Variants in TENM2 observed in about 807,000 individuals in gnomAD.
The protein encoded by TENM2 is teneurin transmembrane protein 2.
TENM2 carries 52 observed loss-of-function variants against 245.2 expected under a neutral mutation model. The observed-to-expected ratio is 0.21, with a 90% CI of 0.17 to 0.27. TENM2 has a LOEUF of 0.27. Among genes scored for constraint, TENM2 ranks in the 10% least tolerant of loss-of-function variants. The pLI, the probability that TENM2 is intolerant of heterozygous loss-of-function variation, is 1.00. For missense variants in TENM2, 3,046 were observed against 3,666.8 expected (o/e 0.83, Z 4.37); for synonymous variants, 1,363 against 1,438.9 (o/e 0.95, Z 1.19).
the TENM2 span, among the ~76,000 whole-genome samples, chr5:167,101,770 A>T: frequency 6.8e-6 from 1 of 147,884 alleles, no homozygotes; most frequent in African/African-American, 2.5e-5. Flanking sequence ...CCCAAGTGTC[A>T]GACGTAAGCA....
Position 168,226,275 on chromosome 5 carries a change from CCCATACCAT to C in TENM2, c.5284+15_5284+23del. 1 of 1,609,476 alleles carries C rather than the reference CCCATACCAT, an allele frequency of 6.2e-7. No individual in the cohort carries two copies. Among genetic ancestry groups the C allele is most frequent in the Non-Finnish European group, 8.5e-7 (1 of 1,177,040 alleles). On this transcript the variant is annotated intron_variant, in intron 24 of 28. Transcript: ENST00000518659. The stretch of plus-strand genomic sequence containing the variant: ...CACAGTGGTACAAGGTGAGCCTCCA[CCCATACCAT>C]CCTACCCCCAAACTCACCCATAGAC...
the TENM2 span, among the ~76,000 whole-genome samples, chr5:167,207,896 G>A: frequency 2.0e-5 from 3 of 152,146 alleles, no homozygotes; most frequent in Admixed American, 1.3e-4. Flanking sequence ...TGAGATTATA[G>A]GCACGCGCCA....
At chr5:167,827,116 G>T (rs1444099084) in intron 2 of TENM2, among the ~76,000 whole-genome samples, 1 of 152,172 alleles carries the variant, frequency 6.6e-6, no homozygotes, top group Non-Finnish European at 1.5e-5. Flanking sequence ...ATGTTTCTCT[G>T]TAGTGGCCTT....
chr5:167,188,603 A>G, the TENM2 span, among the ~76,000 whole-genome samples: 1 of 152,172 alleles, frequency 6.6e-6, no homozygotes, highest in Non-Finnish European at 1.5e-5. Flanking sequence ...TTATAAAGCC[A>G]TAAAGAAAAG....
Position 167,753,149 on chromosome 5 carries a change from T to G in TENM2, c.503-122837T>G, listed in dbSNP as rs1004844384. On this transcript the variant is annotated intron_variant, in intron 2 of 28. Coordinates refer to ENST00000518659, the Ensembl canonical transcript of TENM2. The stretch of plus-strand genomic sequence containing the variant: ...ATGTTTCGTTTGAGATTATGCAATT[T>G]AAGGATGTTGACAAATCTGAATGCA... Among the ~76,000 whole-genome samples, 5 of 152,266 alleles carry G rather than the reference T, an allele frequency of 3.3e-5. No individual in the cohort carries two copies. The East Asian group carries it at 9.7e-4, about 29-fold the overall frequency.
chr5:167,170,534 G>C, the TENM2 span, among the ~76,000 whole-genome samples: 1 of 152,070 alleles, frequency 6.6e-6, no homozygotes, highest in Non-Finnish European at 1.5e-5. Context: ...GGCATGTCAC[G>C]TATCATGTAA....
At chr5:168,129,313 G>A (rs574356288) in intron 12 of TENM2, 1 of 152,334 alleles carries the variant, frequency 6.6e-6, no homozygotes, top group African/African-American at 2.4e-5. Context: ...GTTTGGTACA[G>A]GTTTCACATC....
chr5:167,080,119 T>C, the TENM2 span, among the ~76,000 whole-genome samples: 1 of 152,228 alleles, frequency 6.6e-6, no homozygotes, highest in Non-Finnish European at 1.5e-5. Flanking sequence ...GCAGCATCTT[T>C]CATTTGTAAA....
chr5:167,545,473 AAT>A (rs1319180353), intron 2 of TENM2, among the ~76,000 whole-genome samples: 6 of 152,342 alleles, frequency 3.9e-5, no homozygotes, highest in Middle Eastern at 6.8e-3. Context: ...TAAAGGGCAG[AAT>A]CTTGCTAGAT....
intron 19 of TENM2, among the ~76,000 whole-genome samples, chr5:168,205,345 AGCACCTGTT>A (rs1021706613): frequency 2.0e-5 from 3 of 152,182 alleles, no homozygotes; most frequent in African/African-American, 7.2e-5. Flanking sequence ...GGTCAAACAA[AGCACCTGTT>A]GTTGTGTTTG....
At chr5:167,895,285 T>C (rs940272778) in intron 3 of TENM2, among the ~76,000 whole-genome samples, 5 of 152,152 alleles carry the variant, frequency 3.3e-5, no homozygotes, top group Middle Eastern at 3.2e-3. Flanking sequence ...CTTTTGAGAC[T>C]AATCTTTGAT....
At chr5:167,666,347 G>A (rs114354028) in intron 2 of TENM2, among the ~76,000 whole-genome samples, 26 of 152,220 alleles carry the variant, frequency 1.7e-4, no homozygotes, top group Non-Finnish European at 2.4e-4. Context: ...AACCCCAAAC[G>A]AAGTGCACTC....
Position 168,204,633 on chromosome 5 carries a change from C to T in TENM2, c.3824+12C>T, listed in dbSNP as rs1483004337. 1 of 1,611,742 alleles carries T rather than the reference C, an allele frequency of 6.2e-7. No individual in the cohort carries two copies. On this transcript the variant is annotated intron_variant, in intron 19 of 28. Transcript: ENST00000518659. ...ATCTTGGAGTTACGGTAAATGGCCT[C>T]ACAGGCAACCTTCTTTTGCTCTCTT...
chr5:167,276,193 C>G, the TENM2 span, among the ~76,000 whole-genome samples: 1 of 151,728 alleles, frequency 6.6e-6, no homozygotes. Context: ...TTTGTACTAT[C>G]TTTGTCTTGT....
intron 19 of TENM2, 118 bp downstream of exon 21, chr5:168,204,739 C>A (rs1004975153): frequency 4.6e-6 from 6 of 1,305,220 alleles, no homozygotes; most frequent in Non-Finnish European, 6.3e-6. Flanking sequence ...CCTTGTGATC[C>A]AAAACCTAGG....
the TENM2 span, among the ~76,000 whole-genome samples, chr5:167,015,645 G>T: frequency 6.6e-6 from 1 of 152,054 alleles, no homozygotes; most frequent in Admixed American, 6.6e-5. Flanking sequence ...ATTATAGTTT[G>T]TTTGTTTGTT....
intron 2 of TENM2, among the ~76,000 whole-genome samples, chr5:167,779,490 T>C (rs1268623089): frequency 6.6e-6 from 1 of 152,182 alleles, no homozygotes; most frequent in African/African-American, 2.4e-5. Context: ...GATCCCAAAA[T>C]GCACTTCTAT....
At chr5:167,838,541 G>A (rs1471591735) in intron 2 of TENM2, among the ~76,000 whole-genome samples, 2 of 152,134 alleles carry the variant, frequency 1.3e-5, no homozygotes, top group Non-Finnish European at 2.9e-5. Flanking sequence ...TATAAAAATA[G>A]CAACAGTTAG....
At chr5:167,197,975 A>G in the TENM2 span, among the ~76,000 whole-genome samples, 1 of 151,994 alleles carries the variant, frequency 6.6e-6, no homozygotes, top group African/African-American at 2.4e-5. Context: ...GAAAGGAGAA[A>G]GGAATCAAGG....
Sources: allele counts gnomAD v4.1 joint callset (sites outside exome capture counted in the v4.1 genomes callset), GRCh38; gene constraint gnomAD v4.1.1; transcripts MANE v1.5; gene names NCBI Gene and HGNC (gene_info 2026-07-23, HGNC 2026-07-21).